Variants in GPC6 observed in about 807,000 individuals in gnomAD.
GPC6 encodes glypican-6.
GPC6 carries 14 observed loss-of-function variants against 55.2 expected under a neutral mutation model. The observed-to-expected ratio is 0.25, with a 90% CI of 0.17 to 0.40. The LOEUF (loss-of-function observed/expected upper bound fraction) is 0.40, where lower values mean the gene tolerates loss of function less well. Among genes scored for constraint, GPC6 ranks in the 10% least tolerant of loss-of-function variants. GPC6 has a pLI of 1.00. For missense variants in GPC6, 641 were observed against 708.5 expected, an observed-to-expected ratio of 0.90 and a Z score of 1.08; for synonymous variants, 278 against 259.6, an observed-to-expected ratio of 1.07 and a Z score of -0.68.
chr13:93,923,780 T>G (rs913193386), intron 3 of GPC6, among the ~76,000 whole-genome samples: 1 of 152,218 alleles, frequency 6.6e-6, no homozygotes, highest in Non-Finnish European at 1.5e-5. Flanking sequence ...AACATGTACT[T>G]TACACAATTA....
intron 2 of GPC6, among the ~76,000 whole-genome samples, chr13:93,701,086 A>C (rs1210951374): frequency 1.3e-5 from 2 of 152,160 alleles, no homozygotes; most frequent in Non-Finnish European, 2.9e-5. Context: ...CACAAAGAAT[A>C]AGCAATGATT....
At chr13:93,503,260 A>T (rs979311429) in intron 1 of GPC6, among the ~76,000 whole-genome samples, 1 of 152,198 alleles carries the variant, frequency 6.6e-6, no homozygotes, top group African/African-American at 2.4e-5. Flanking sequence ...AATACTGCAC[A>T]TCTTTGTTGT....
chr13:94,394,475 G>A (rs1183870294), intron 7 of GPC6, among the ~76,000 whole-genome samples: 1 of 152,172 alleles, frequency 6.6e-6, no homozygotes, highest in Non-Finnish European at 1.5e-5. Context: ...AAAAAACTGT[G>A]CAAAACCCAA....
chr13:93,895,436 A>G (rs1875954784), intron 3 of GPC6, among the ~76,000 whole-genome samples: 1 of 151,454 alleles, frequency 6.6e-6, no homozygotes. Flanking sequence ...TCTGGCTATC[A>G]ATGTGGTTAG....
At chr13:94,266,411 G>T (rs569231402) in intron 4 of GPC6, among the ~76,000 whole-genome samples, 114 of 152,102 alleles carry the variant, frequency 7.5e-4, no homozygotes, top group Non-Finnish European at 1.3e-3. Context: ...CTCGTGATCC[G>T]CCCGCCTTGG....
intron 2 of GPC6, among the ~76,000 whole-genome samples, chr13:93,610,631 G>A (rs1337436224): frequency 6.6e-6 from 1 of 151,948 alleles, no homozygotes; most frequent in Non-Finnish European, 1.5e-5. Flanking sequence ...ATGTTTATAT[G>A]TACATGTGTA....
chr13:93,535,564 A>T (rs1238504233), intron 1 of GPC6, among the ~76,000 whole-genome samples: 1 of 152,018 alleles, frequency 6.6e-6, no homozygotes, highest in African/African-American at 2.4e-5. Context: ...TTTGAATTGC[A>T]TTAAACTCTC....
At chr13:94,200,264 A>G (rs571503542) in intron 4 of GPC6, among the ~76,000 whole-genome samples, 1 of 152,304 alleles carries the variant, frequency 6.6e-6, no homozygotes, top group African/African-American at 2.4e-5. Flanking sequence ...GTTGGAAAAG[A>G]ATTTCTAAAA....
chr13:94,234,964 AAATG>A (rs1393285817), intron 4 of GPC6, among the ~76,000 whole-genome samples: 1 of 152,142 alleles, frequency 6.6e-6, no homozygotes, highest in Non-Finnish European at 1.5e-5. Context: ...GGGAAAAGGG[AAATG>A]AGTTGTTCAA....
intron 6 of GPC6, among the ~76,000 whole-genome samples, chr13:94,332,023 A>G (rs142662515): frequency 6.6e-6 from 1 of 152,200 alleles, no homozygotes; most frequent in Non-Finnish European, 1.5e-5. Flanking sequence ...ATTGCAAACT[A>G]TGAGGCAGTA....
intron 3 of GPC6, among the ~76,000 whole-genome samples, chr13:94,000,576 C>G (rs1881752543): frequency 6.6e-6 from 1 of 152,202 alleles, no homozygotes; most frequent in South Asian, 2.1e-4. Context: ...CCAAGTTGGA[C>G]AGTTGGAACT....
At chr13:94,263,323 T>G (rs1164385722) in intron 4 of GPC6, among the ~76,000 whole-genome samples, 1 of 152,220 alleles carries the variant, frequency 6.6e-6, no homozygotes, top group Non-Finnish European at 1.5e-5. Context: ...GTACTGTACA[T>G]TTGTTTAACA....
At chr13:94,324,013 G>T (rs1876978158) in intron 6 of GPC6, among the ~76,000 whole-genome samples, 1 of 152,186 alleles carries the variant, frequency 6.6e-6, no homozygotes. Context: ...GCAAGCTAAT[G>T]CTGGCTTCCG....
chr13:93,235,783 G>T (rs1337407642), intron 1 of GPC6, among the ~76,000 whole-genome samples: 3 of 152,164 alleles, frequency 2.0e-5, no homozygotes, highest in Admixed American at 6.5e-5. Context: ...AGAAATTCCT[G>T]ACTCAACTGG....
At chr13:94,209,513 C>T (rs992063154) in intron 4 of GPC6, among the ~76,000 whole-genome samples, 5 of 152,128 alleles carry the variant, frequency 3.3e-5, no homozygotes, top group African/African-American at 4.8e-5. Flanking sequence ...CTTTAATGCT[C>T]CTGCAGAAAT....
At chr13:93,739,477 T>G (rs1884124337) in intron 2 of GPC6, among the ~76,000 whole-genome samples, 1 of 150,586 alleles carries the variant, frequency 6.6e-6, no homozygotes. Context: ...TTGCCCAGGC[T>G]GGAGTGCAGT....
At chr13:93,821,792 T>C (rs1466697877) in intron 2 of GPC6, among the ~76,000 whole-genome samples, 3 of 152,168 alleles carry the variant, frequency 2.0e-5, no homozygotes, top group African/African-American at 7.2e-5. Flanking sequence ...GGCCCCCCTG[T>C]CTGTGAGTCT....
chr13:94,064,750 T>C (rs1370212211), intron 4 of GPC6, among the ~76,000 whole-genome samples: 1 of 152,120 alleles, frequency 6.6e-6, no homozygotes, highest in African/African-American at 2.4e-5. Flanking sequence ...CTTTTCAGCA[T>C]ATGCATCTTG....
At chr13:94,341,136 C>CAGA (rs1490721332) in intron 6 of GPC6, among the ~76,000 whole-genome samples, 1 of 152,164 alleles carries the variant, frequency 6.6e-6, no homozygotes, top group African/African-American at 2.4e-5. Context: ...TATTGACTTC[C>CAGA]TTCTAGGCAC....
Sources: allele counts gnomAD v4.1 joint callset (sites outside exome capture counted in the v4.1 genomes callset), GRCh38; gene constraint gnomAD v4.1.1; transcripts MANE v1.5; gene names NCBI Gene and HGNC (gene_info 2026-07-23, HGNC 2026-07-21).